Variants in ADGB observed in about 807,000 individuals in gnomAD.
ADGB encodes androglobin.
In ADGB, 172 loss-of-function variants were observed where a neutral mutation model predicts 210.5. That is an observed-to-expected ratio of 0.82 (90% CI 0.72 to 0.93). ADGB has a LOEUF of 0.93. Among genes scored for constraint, ADGB ranks in the 40% least tolerant of loss-of-function variants. The pLI is 0.00. For synonymous variants in ADGB, 658 were observed against 662.7 expected (o/e 0.99, Z 0.11); for missense variants, 2,025 against 1,964.8 (o/e 1.03, Z -0.58).
In ADGB at chr6:146,763,937, A is replaced by G; in HGVS notation, c.3587A>G (p.Lys1196Arg). 6.4e-7 allele frequency: 1 copy of G among 1,551,310 alleles called. No homozygotes were observed. Among genetic ancestry groups the G allele is most frequent in the East Asian group, 2.4e-5 (1 of 40,908 alleles). Residue 1196 changes from lysine (K) to arginine (R), a missense_variant, in exon 28 of 36, where the codon AAG (lysine) becomes AGG (arginine). Transcript: ENST00000397944. ...ATTCTTTCATTTCACTCTGCATCCAAGAAAGAGCAAGAAGTGTATGTTAAG... is the reference window on the plus strand; with the variant it reads ...ATTCTTTCATTTCACTCTGCATCCAGGAAAGAGCAAGAAGTGTATGTTAAG... ...KHILSFHSAS[K>R]KEQEVYVKKK...
intron 13 of ADGB, among the ~76,000 whole-genome samples, chr6:146,713,875 A>C (rs572600530): frequency 1.3e-5 from 2 of 151,920 alleles, no homozygotes; most frequent in East Asian, 3.9e-4. Context: ...GGAGTTTTGT[A>C]GTTTGTCTCT....
At chr6:146,767,098 G>T (rs1357065400) in intron 28 of ADGB, among the ~76,000 whole-genome samples, 7 of 152,056 alleles carry the variant, frequency 4.6e-5, no homozygotes, top group Admixed American at 4.6e-4. Flanking sequence ...ACACTTAATG[G>T]CCAAATCTCA....
At chr6:146,603,681 A>C (rs1562252575) in intron 1 of ADGB, among the ~76,000 whole-genome samples, 1 of 152,228 alleles carries the variant, frequency 6.6e-6, no homozygotes, top group Non-Finnish European at 1.5e-5. Context: ...CTTTTGACTA[A>C]AATGAACATC....
At chr6:146,717,655 G>A (rs757450711) in intron 16 of ADGB, 56 bp downstream of exon 16, 45 of 812,740 alleles carry the variant, frequency 5.5e-5, no homozygotes, top group Admixed American at 2.6e-4. Flanking sequence ...AATTGCACCC[G>A]TAGAAAACAT....
At chr6:146,737,817 T>C (rs1436977061) in intron 23 of ADGB, among the ~76,000 whole-genome samples, 1 of 152,182 alleles carries the variant, frequency 6.6e-6, no homozygotes, top group African/African-American at 2.4e-5. Context: ...GCATAATACC[T>C]TCAGGGGATT....
intron 3 of ADGB, among the ~76,000 whole-genome samples, chr6:146,645,827 G>C (rs1775601918): frequency 2.6e-5 from 4 of 151,902 alleles, no homozygotes; most frequent in Non-Finnish European, 4.4e-5. Context: ...AGCATTTTTT[G>C]AATGCCTACT....
intron 35 of ADGB, among the ~76,000 whole-genome samples, chr6:146,804,225 C>T (rs1313193281): frequency 6.6e-6 from 1 of 151,856 alleles, no homozygotes; most frequent in East Asian, 1.9e-4. Flanking sequence ...TAACTTCCCA[C>T]TACGGATAAT....
chr6:146,749,877 C>G (rs1424210485), intron 26 of ADGB, among the ~76,000 whole-genome samples: 1 of 152,026 alleles, frequency 6.6e-6, no homozygotes, highest in Non-Finnish European at 1.5e-5. Flanking sequence ...ACAACCAGAT[C>G]TCATGAGAAC....
intron 27 of ADGB, among the ~76,000 whole-genome samples, chr6:146,753,574 C>G (rs1044993519): frequency 1.3e-5 from 2 of 151,852 alleles, no homozygotes. Context: ...AATAATTAGA[C>G]TTTATGAAAC....
At chr6:146,645,526 C>T (rs933296081) in intron 3 of ADGB, among the ~76,000 whole-genome samples, 1 of 151,984 alleles carries the variant, frequency 6.6e-6, no homozygotes, top group African/African-American at 2.4e-5. Flanking sequence ...TTCCTTGAAT[C>T]TGCTATTACT....
chr6:146,614,212 CCTTCCTCCCTTCCTT>C (rs1780755210), intron 1 of ADGB, among the ~76,000 whole-genome samples: 2 of 31,970 alleles, frequency 6.3e-5, no homozygotes, highest in South Asian at 1.0e-3. Flanking sequence ...TTCCTCCCTT[CCTTCCTCCCTTCCTT>C]CCTTCCTTCC....
chr6:146,727,728 A>G (rs898499245), intron 19 of ADGB, among the ~76,000 whole-genome samples: 3 of 152,204 alleles, frequency 2.0e-5, no homozygotes, highest in Non-Finnish European at 2.9e-5. Flanking sequence ...CTAATATTTG[A>G]CCAGAGAACT....
intron 9 of ADGB, among the ~76,000 whole-genome samples, chr6:146,677,415 G>T (rs1025438079): frequency 1.3e-5 from 2 of 151,896 alleles, no homozygotes; most frequent in Admixed American, 6.6e-5. Flanking sequence ...TTCTTATTAT[G>T]ATGATTTATA....
chr6:146,760,328 T>C (rs1248991736), intron 27 of ADGB, among the ~76,000 whole-genome samples: 3 of 151,890 alleles, frequency 2.0e-5, no homozygotes, highest in Non-Finnish European at 4.4e-5. Flanking sequence ...TTGCCTGTTC[T>C]AGAACTTCAT....
intron 17 of ADGB, among the ~76,000 whole-genome samples, chr6:146,721,803 A>T (rs1009105627): frequency 2.0e-5 from 3 of 152,106 alleles, no homozygotes; most frequent in Non-Finnish European, 4.4e-5. Context: ...GCGCCATTGC[A>T]CTCCAACCTG....
At chr6:146,809,363 GC>G (rs1348595979) in intron 35 of ADGB, among the ~76,000 whole-genome samples, 7 of 152,134 alleles carry the variant, frequency 4.6e-5, no homozygotes, top group African/African-American at 9.7e-5. Context: ...CAGCCACCAC[GC>G]CCGGCTAATT....
intron 11 of ADGB, 137 bp downstream of exon 11, chr6:146,691,427 T>TATATATATAA (rs1776309019): frequency 3.6e-5 from 1 of 27,810 alleles, no homozygotes; most frequent in African/African-American, 2.4e-4. Flanking sequence ...TATATATATA[T>TATATATATAA]ATATATATAT....
intron 35 of ADGB, chr6:146,803,483 G>A (rs1038339347): frequency 1.2e-6 from 2 of 1,603,896 alleles, no homozygotes; most frequent in African/African-American, 2.7e-5. Context: ...AAGGGATGAT[G>A]AACTTTCTTT....
At chr6:146,763,173 A>T (rs1415590562) in intron 27 of ADGB, among the ~76,000 whole-genome samples, 1 of 152,146 alleles carries the variant, frequency 6.6e-6, no homozygotes, top group Non-Finnish European at 1.5e-5. Context: ...TCAAGAGGTC[A>T]CTTTGTATGT....
Sources: allele counts gnomAD v4.1 joint callset (sites outside exome capture counted in the v4.1 genomes callset), GRCh38; gene constraint gnomAD v4.1.1; transcripts MANE v1.5; gene names NCBI Gene and HGNC (gene_info 2026-07-23, HGNC 2026-07-21).